Variants in ELAVL2 observed in about 807,000 individuals in gnomAD.
ELAVL2 encodes ELAV-like protein 2.
ELAVL2 carries 4 observed loss-of-function variants against 34.6 expected under a neutral mutation model. The observed-to-expected ratio is 0.12, with a 90% CI of 0.06 to 0.26. The LOEUF (loss-of-function observed/expected upper bound fraction) is 0.26. ELAVL2 is among the 10% of genes least tolerant of loss of function. The probability of loss-of-function intolerance (pLI) is 1.00; values close to 1 mark genes in which losing one functional copy is unlikely to be tolerated. For synonymous variants in ELAVL2, 193 were observed against 154.8 expected (o/e 1.25, Z -1.83); for missense variants, 432 against 442.8 (o/e 0.98, Z 0.22).
intron 1 of ELAVL2, among the ~76,000 whole-genome samples, chr9:23,770,605 G>T (rs377570526): frequency 2.0e-5 from 3 of 152,230 alleles, no homozygotes; most frequent in Admixed American, 1.3e-4. Context: ...GACATTGCTG[G>T]CTTTAAATGG....
chr9:23,701,739 C>T (rs145573921), intron 4 of ELAVL2, 135 bp from the exon 5 acceptor site: 745 of 958,738 alleles, frequency 7.8e-4, no homozygotes, highest in Middle Eastern at 6.2e-3. Context: ...CAAAATCACA[C>T]CAGGAGGAAA....
intron 2 of ELAVL2, among the ~76,000 whole-genome samples, chr9:23,732,086 G>C (rs1424800991): frequency 6.6e-6 from 1 of 152,192 alleles, no homozygotes; most frequent in African/African-American, 2.4e-5. Flanking sequence ...CATAAGAAAA[G>C]TTTAGTCTAC....
intron 3 of ELAVL2, among the ~76,000 whole-genome samples, chr9:23,721,285 G>A (rs1362393697): frequency 6.6e-6 from 1 of 152,204 alleles, no homozygotes; most frequent in Non-Finnish European, 1.5e-5. Flanking sequence ...AGGCCACTGT[G>A]CTTGATTCTA....
At chr9:23,768,727 G>C (rs2056775616) in intron 1 of ELAVL2, among the ~76,000 whole-genome samples, 1 of 152,074 alleles carries the variant, frequency 6.6e-6, no homozygotes, top group Non-Finnish European at 1.5e-5. Flanking sequence ...TGGAAGACAA[G>C]ACAAATCCAA....
intron 1 of ELAVL2, among the ~76,000 whole-genome samples, chr9:23,780,131 ACTTAGGTTGATTCT>A (rs2058861533): frequency 6.6e-6 from 1 of 151,834 alleles, no homozygotes; most frequent in African/African-American, 2.4e-5. Context: ...CTCACACATA[ACTTAGGTTGATTCT>A]CTTTTCCAGG....
chr9:23,846,904 G>C, the ELAVL2 span, among the ~76,000 whole-genome samples: 8 of 151,884 alleles, frequency 5.3e-5, no homozygotes, highest in African/African-American at 1.9e-4. Context: ...CATTTTGTTT[G>C]ATTTTGGATC....
At chr9:23,715,210 A>G (rs974815374) in intron 3 of ELAVL2, among the ~76,000 whole-genome samples, 30 of 152,096 alleles carry the variant, frequency 2.0e-4, no homozygotes, top group African/African-American at 7.0e-4. Context: ...GTGCAGTGGC[A>G]CGATCTCAGC....
chr9:23,820,933 A>G (rs907863189), intron 1 of ELAVL2, among the ~76,000 whole-genome samples: 1 of 152,120 alleles, frequency 6.6e-6, no homozygotes, highest in Non-Finnish European at 1.5e-5. Flanking sequence ...GACGGGCCTC[A>G]CCTAACGCGC....
intron 3 of ELAVL2, among the ~76,000 whole-genome samples, chr9:23,711,387 G>A (rs955982499): frequency 6.6e-6 from 1 of 152,154 alleles, no homozygotes; most frequent in Admixed American, 6.5e-5. Flanking sequence ...ATTTGATAAT[G>A]TCATCCTCAA....
intron 1 of ELAVL2, among the ~76,000 whole-genome samples, chr9:23,822,108 T>C (rs908398327): frequency 2.6e-5 from 4 of 151,938 alleles, no homozygotes; most frequent in Non-Finnish European, 4.4e-5. Context: ...AGGTGCAAGT[T>C]TGCAAATCCC....
chr9:23,776,275 G>A (rs1354459588), intron 1 of ELAVL2, among the ~76,000 whole-genome samples: 2 of 152,166 alleles, frequency 1.3e-5, no homozygotes, highest in Non-Finnish European at 2.9e-5. Flanking sequence ...ACTTCAAGTG[G>A]AATCAGCATT....
chr9:23,728,223 T>G (rs1163312624), intron 3 of ELAVL2, among the ~76,000 whole-genome samples: 1 of 151,618 alleles, frequency 6.6e-6, no homozygotes, highest in Admixed American at 6.6e-5. Flanking sequence ...TCCTCAAGGG[T>G]AAAGAATATA....
intron 3 of ELAVL2, among the ~76,000 whole-genome samples, chr9:23,706,471 T>A (rs969615663): frequency 1.3e-5 from 2 of 152,208 alleles, no homozygotes; most frequent in Non-Finnish European, 1.5e-5. Context: ...CATCCAGATC[T>A]CCTGCCCCAA....
At chr9:23,716,589 T>A (rs547792238) in intron 3 of ELAVL2, among the ~76,000 whole-genome samples, 1 of 152,152 alleles carries the variant, frequency 6.6e-6, no homozygotes, top group Non-Finnish European at 1.5e-5. Flanking sequence ...TTATAAGCAA[T>A]AGACAGAAGC....
intron 1 of ELAVL2, among the ~76,000 whole-genome samples, chr9:23,788,123 A>C (rs958134966): frequency 3.3e-5 from 5 of 152,234 alleles, no homozygotes; most frequent in Non-Finnish European, 7.3e-5. Flanking sequence ...CAGCTAATGT[A>C]ACCAATGGGT....
the ELAVL2 span, chr9:23,847,544 G>C: frequency 6.6e-6 from 1 of 152,028 alleles, no homozygotes; most frequent in Non-Finnish European, 1.5e-5. Context: ...TGAGGTTCAA[G>C]AAAAATATCG....
At chr9:23,796,484 A>G (rs1384219491) in intron 1 of ELAVL2, among the ~76,000 whole-genome samples, 1 of 152,258 alleles carries the variant, frequency 6.6e-6, no homozygotes, top group Non-Finnish European at 1.5e-5. Context: ...CATCTCGAGG[A>G]AAGCAAAATA....
intron 2 of ELAVL2, among the ~76,000 whole-genome samples, chr9:23,752,261 A>C (rs2052281927): frequency 6.6e-6 from 1 of 152,096 alleles, no homozygotes; most frequent in Non-Finnish European, 1.5e-5. Context: ...ACACAAATTG[A>C]GTGGCTAGGC....
chr9:23,779,070 C>CA (rs1426380552), intron 1 of ELAVL2, among the ~76,000 whole-genome samples: 2 of 152,082 alleles, frequency 1.3e-5, no homozygotes, highest in South Asian at 2.1e-4. Context: ...GGGCAGCACA[C>CA]AAAAAAGATA....
Sources: gnomAD v4.1 joint callset for allele counts (sites outside exome capture counted in the v4.1 genomes callset) on GRCh38, gnomAD v4.1.1 for gene constraint, MANE v1.5 for transcripts, NCBI Gene and HGNC (gene_info 2026-07-23, HGNC 2026-07-21) for gene names.